The following AVEN variants were observed in gnomAD, a reference collection of about 807,000 sequenced individuals.
AVEN encodes the protein cell death regulator Aven.
Under a neutral mutation model 38.1 loss-of-function variants are expected in AVEN, and 41 were observed. The observed-to-expected ratio is 1.08, with a 90% CI of 0.84 to 1.40. The LOEUF (loss-of-function observed/expected upper bound fraction) is 1.40, where lower values mean the gene tolerates loss of function less well. Ranked by LOEUF, AVEN falls within the 40% of genes most tolerant of loss-of-function variation. The probability of loss-of-function intolerance (pLI) is 0.00; values close to 1 mark genes in which losing one functional copy is unlikely to be tolerated. For synonymous variants in AVEN, 206 were observed against 171.8 expected (o/e 1.20, Z -1.56); for missense variants, 605 against 438.8 (o/e 1.38, Z -3.38).
chr15:34,016,163 C>A (rs1897900593), intron 1 of AVEN, among the ~76,000 whole-genome samples: 1 of 152,136 alleles, frequency 6.6e-6, no homozygotes, highest in Non-Finnish European at 1.5e-5. Context: ...GTAATTCCAG[C>A]TACTCGGTTA....
intron 1 of AVEN, among the ~76,000 whole-genome samples, chr15:34,022,836 C>G (rs1286264277): frequency 1.3e-5 from 2 of 152,214 alleles, no homozygotes; most frequent in African/African-American, 4.8e-5. Flanking sequence ...TTTTTGCTAC[C>G]TCTGTACCAC....
At chr15:33,887,892 C>CCATA (rs1891768909) in intron 2 of AVEN, among the ~76,000 whole-genome samples, 1 of 152,066 alleles carries the variant, frequency 6.6e-6, no homozygotes, top group Middle Eastern at 3.2e-3. Flanking sequence ...GTGAAAACCA[C>CCATA]CATACAAATA....
chr15:33,901,917 C>T (rs1892511643), intron 2 of AVEN, among the ~76,000 whole-genome samples: 1 of 152,098 alleles, frequency 6.6e-6, no homozygotes, highest in South Asian at 2.1e-4. Flanking sequence ...AAAAATGTAA[C>T]CTCTTATCAG....
Position 33,866,846 on chromosome 15 carries a change from C to G in AVEN, c.974-118G>C. ...GGAAACATTCTCATTATTCTTACTCCCTAAGATGATACAGTAATATCTAAA... is the reference window on the plus strand; with the variant it reads ...GGAAACATTCTCATTATTCTTACTCGCTAAGATGATACAGTAATATCTAAA... On this transcript the variant is annotated intron_variant, in intron 5 of 5. Coordinates refer to ENST00000306730, the MANE Select transcript of AVEN (RefSeq NM_020371.3). 2 of 713,362 alleles carry G rather than the reference C, an allele frequency of 2.8e-6. 1 individual carries two copies. The highest frequency in any genetic ancestry group is 4.9e-4 in the Middle Eastern group (2 of 4,098). The allele number at this position is 713,362 out of a possible 1,614,324, so 44.2% of individuals were successfully genotyped here.
At chr15:33,944,027 C>G (rs1388447340) in intron 2 of AVEN, among the ~76,000 whole-genome samples, 1 of 152,062 alleles carries the variant, frequency 6.6e-6, no homozygotes, top group African/African-American at 2.4e-5. Context: ...AACCACCACA[C>G]CTGGCCTAGT....
intron 2 of AVEN, among the ~76,000 whole-genome samples, chr15:33,909,446 T>C (rs1892837371): frequency 6.6e-6 from 1 of 152,194 alleles, no homozygotes; most frequent in African/African-American, 2.4e-5. Flanking sequence ...TTAATACTCA[T>C]AACCAGCTCA....
intron 2 of AVEN, among the ~76,000 whole-genome samples, chr15:33,943,240 G>GGT (rs1188991304): frequency 6.6e-6 from 1 of 152,020 alleles, no homozygotes; most frequent in East Asian, 1.9e-4. Flanking sequence ...AACAAAATGT[G>GGT]GTATATATAC....
intron 2 of AVEN, among the ~76,000 whole-genome samples, chr15:33,888,303 T>C (rs74006764): frequency 0.079 from 11,945 of 151,474 alleles, 663 homozygotes; most frequent in South Asian, 0.15. Flanking sequence ...TATGGGAGCA[T>C]TGTGTGTGTG....
At chr15:33,891,286 G>T (rs1891946838) in intron 2 of AVEN, among the ~76,000 whole-genome samples, 1 of 152,142 alleles carries the variant, frequency 6.6e-6, no homozygotes, top group South Asian at 2.1e-4. Flanking sequence ...ACAACGTGCA[G>T]GTTTGATATA....
chr15:34,060,798 G>A (rs1338622516), intron 5 of AVEN, among the ~76,000 whole-genome samples: 1 of 151,928 alleles, frequency 6.6e-6, no homozygotes, highest in African/African-American at 2.4e-5. Flanking sequence ...TGAACCCAAG[G>A]GGCAGAGGTT....
At chr15:33,987,087 T>C (rs985612979) in intron 2 of AVEN, among the ~76,000 whole-genome samples, 5 of 152,244 alleles carry the variant, frequency 3.3e-5, no homozygotes, top group African/African-American at 1.2e-4. Flanking sequence ...TTAAACAGTA[T>C]ATATTCATAA....
At chr15:33,960,575 G>C (rs539509073) in intron 2 of AVEN, among the ~76,000 whole-genome samples, 1 of 151,996 alleles carries the variant, frequency 6.6e-6, no homozygotes, top group South Asian at 2.1e-4. Context: ...TTAAAAAAAA[G>C]AACTTCTTAA....
intron 2 of AVEN, among the ~76,000 whole-genome samples, chr15:33,897,566 G>A (rs1176944277): frequency 6.6e-6 from 1 of 152,018 alleles, no homozygotes; most frequent in African/African-American, 2.4e-5. Flanking sequence ...CACCGCGCCC[G>A]GCCATGAATT....
At chr15:33,931,349 CTTTTTTTTTTTTTTTTTTTTT>C (rs71119903) in intron 2 of AVEN, among the ~76,000 whole-genome samples, 1 of 89,296 alleles carries the variant, frequency 1.1e-5, no homozygotes, top group Non-Finnish European at 2.0e-5. Flanking sequence ...TGAATATTTT[CTTTTTTTTTTTTTTTTTTTTT>C]TTTTTTTTTT....
intron 2 of AVEN, among the ~76,000 whole-genome samples, chr15:33,907,788 T>TAAA (rs796352918): frequency 9.3e-6 from 1 of 107,764 alleles, no homozygotes; most frequent in Non-Finnish European, 1.9e-5. Flanking sequence ...TTCCCAGCAC[T>TAAA]AAAAAAAAAA....
chr15:34,039,411 G>GA (rs11422920), upstream of AVEN, among the ~76,000 whole-genome samples: 147,948 of 151,494 alleles, frequency 0.98, 72,333 homozygotes, highest in East Asian at 1. Flanking sequence ...TGAACTCTCG[G>GA]AAAAAAAAAG....
At chr15:34,057,734 T>C (rs776698667) in intron 5 of AVEN, among the ~76,000 whole-genome samples, 7 of 152,138 alleles carry the variant, frequency 4.6e-5, no homozygotes, top group Non-Finnish European at 1.0e-4. Context: ...GGGTTCCAGC[T>C]TCAGTGAGCT....
downstream of AVEN, chr15:33,861,328 T>TC (rs1888124948): frequency 3.5e-6 from 2 of 575,592 alleles, no homozygotes; most frequent in African/African-American, 3.7e-5. Flanking sequence ...ATAGACTCTG[T>TC]CTCTCCCATG....
At chr15:34,003,765 T>C (rs1308545485) in intron 1 of AVEN, among the ~76,000 whole-genome samples, 2 of 152,206 alleles carry the variant, frequency 1.3e-5, no homozygotes, top group African/African-American at 2.4e-5. Flanking sequence ...GTACTACATT[T>C]ATACATAAGA....
Sources: gnomAD v4.1 joint callset for allele counts (sites outside exome capture counted in the v4.1 genomes callset) on GRCh38, gnomAD v4.1.1 for gene constraint, MANE v1.5 for transcripts, NCBI Gene and HGNC (gene_info 2026-07-23, HGNC 2026-07-21) for gene names.